The following NLRC5 variants were observed in gnomAD, a reference collection of about 807,000 sequenced individuals.
The protein encoded by NLRC5 is protein NLRC5.
In NLRC5, 114 loss-of-function variants were observed where a neutral mutation model predicts 206.9. That is an observed-to-expected ratio of 0.55 (90% CI 0.47 to 0.64). The LOEUF is 0.64. NLRC5 is among the 30% of genes least tolerant of loss of function. The pLI, the probability that NLRC5 is intolerant of heterozygous loss-of-function variation, is 0.00. For synonymous variants in NLRC5, 952 were observed against 962.8 expected, an observed-to-expected ratio of 0.99 and a Z score of 0.21; for missense variants, 2,008 against 2,305.5, an observed-to-expected ratio of 0.87 and a Z score of 2.64.
intron 24 of NLRC5, 74 bp downstream of exon 24, chr16:57,051,695 A>G (rs1217837333): frequency 8.4e-7 from 1 of 1,191,592 alleles, no homozygotes; most frequent in Non-Finnish European, 1.3e-6. Flanking sequence ...GCAAAGCTGT[A>G]CCTGCCCTCT....
At chr16:57,068,533 C>G (rs1157207428) in intron 36 of NLRC5, among the ~76,000 whole-genome samples, 1 of 151,912 alleles carries the variant, frequency 6.6e-6, no homozygotes, top group African/African-American at 2.4e-5. Context: ...TTCTTTCACT[C>G]TCTCCCTCTC....
At position 57,061,536 on chromosome 16, in the gene NLRC5, G is replaced by A; in HGVS notation, c.4070+5G>A. 1 of 1,609,628 alleles carries A rather than the reference G, an allele frequency of 6.2e-7. No individual in the cohort carries two copies. The highest frequency in any genetic ancestry group is 8.5e-7 in the Non-Finnish European group (1 of 1,179,992). ...CCTGCAGCTGACGGAGCTCACGTGA[G>A]TGACCCACCCAGCCCGTGAGGACAG... is the stretch of plus-strand genomic sequence containing the variant. On this transcript the variant is annotated splice_donor_5th_base_variant and intron_variant, in intron 31 of 48. Transcript: ENST00000688547.
chr16:57,045,872 C>CTTCA (rs1303765390), intron 21 of NLRC5, among the ~76,000 whole-genome samples: 1 of 152,266 alleles, frequency 6.6e-6, no homozygotes, highest in Non-Finnish European at 1.5e-5. Context: ...CTTTCACGCT[C>CTTCA]TGAAGGCAGG....
intron 20 of NLRC5, 198 bp from the exon 21 acceptor site, chr16:57,045,250 T>G (rs2143892462): frequency 1.7e-6 from 1 of 592,136 alleles, no homozygotes; most frequent in Non-Finnish European, 3.0e-6. Flanking sequence ...TTGTTTATTG[T>G]GAGAATCAAA....
In NLRC5 at chr16:57,026,987, C is replaced by T. The variant is rs1266784248; in HGVS notation, c.2044C>T (p.Leu682=). ...CCTGGAGCCCCACTGCCCTGAGGCT[C>T]TGGTAGGCTGTGGGCAGATAGAGAA... ...CPLEPHCPEA[L]VGCGQIENLS... is the part of the protein sequence containing the mutation. Residue 682 remains leucine, a synonymous_variant, in exon 6 of 49, where the codon CTG becomes TTG. Coordinates refer to ENST00000688547, the MANE Select transcript of NLRC5 (RefSeq NM_001384950.1). The T allele has an allele frequency of 6.2e-7, 1 of 1,613,930 alleles. No homozygotes were observed. Among genetic ancestry groups the T allele is most frequent in the African/African-American group, 1.3e-5 (1 of 74,904 alleles).
chr16:57,030,191 A>G, intron 10 of NLRC5, 107 bp downstream of exon 10: 1 of 890,100 alleles, frequency 1.1e-6, no homozygotes, highest in Non-Finnish European at 1.8e-6. Flanking sequence ...AAATCTGTGC[A>G]TACCCTACTG....
Position 57,028,126 on chromosome 16 carries a change from G to C in NLRC5, c.2130G>C (p.Leu710Phe), listed in dbSNP as rs2061437075. Reference protein sequence around the residue: ...DAFAEALSRSLPTMGRLQMLG... With the variant: ...DAFAEALSRSFPTMGRLQMLG... ...TTGCAGAAGCCCTCTCCAGGAGCTT[G>C]CCGACAATGGGGAGGCTGCAGATGC... The change falls in exon 7 of 49, where the codon TTG (leucine) becomes TTC (phenylalanine). Residue 710 changes from leucine to phenylalanine, a missense_variant. Coordinates refer to ENST00000688547, the MANE Select transcript of NLRC5 (RefSeq NM_001384950.1). 6.2e-7 allele frequency: 1 copy of C among 1,613,510 alleles called. No individual in the cohort carries two copies. The highest frequency in any genetic ancestry group is 1.3e-5 in the African/African-American group (1 of 74,920).
intron 39 of NLRC5, 144 bp from the exon 40 acceptor site, chr16:57,076,675 C>A: frequency 1.4e-6 from 1 of 710,496 alleles, no homozygotes; most frequent in Non-Finnish European, 2.5e-6. Context: ...CCACTCCCCA[C>A]CTGCCATGAC....
Position 57,025,511 on chromosome 16 carries a change from A to G in NLRC5, c.568A>G (p.Thr190Ala), listed in dbSNP as rs1443792640. Residue 190 changes from threonine to alanine, a missense_variant, in exon 6 of 49, where the codon ACT becomes GCT. Thr to Ala is a moderately conservative substitution (Grantham distance 58). Transcript: ENST00000688547. ...GCGCCGGGCCACAGCATCCTTAGACACTCCGGAGGGGGCCATTATGGGGGA... is the reference window on the plus strand; with the variant it reads ...GCGCCGGGCCACAGCATCCTTAGACGCTCCGGAGGGGGCCATTATGGGGGA... ...ILRRATASLD[T>A]PEGAIMGDVK... 3 of 1,612,434 alleles carry G rather than the reference A, an allele frequency of 1.9e-6. No individual in the cohort carries two copies. The highest frequency in any genetic ancestry group is 2.2e-5 in the East Asian group (1 of 44,840).
chr16:57,027,138 T>C, intron 6 of NLRC5, 120 bp downstream of exon 6: 2 of 1,178,276 alleles, frequency 1.7e-6, no homozygotes, highest in Non-Finnish European at 2.3e-6. Context: ...CAGAACATAA[T>C]GGCCTGCAAT....
chr16:56,993,013 C>G (rs951482433), intron 1 of NLRC5, among the ~76,000 whole-genome samples: 2 of 148,108 alleles, frequency 1.4e-5, no homozygotes, highest in African/African-American at 2.5e-5. Context: ...CAATTGCCCT[C>G]CCCGAAGACA....
chr16:57,082,306 A>T, intron 48 of NLRC5, 111 bp from the exon 49 acceptor site: 1 of 789,582 alleles, frequency 1.3e-6, no homozygotes, highest in Non-Finnish European at 2.1e-6. Context: ...TGCCTCTGCC[A>T]GGTAACTCTA....
At chr16:57,039,937 C>A in intron 16 of NLRC5, 88 bp downstream of exon 16, 1 of 1,140,788 alleles carries the variant, frequency 8.8e-7, no homozygotes, top group Non-Finnish European at 1.3e-6. Flanking sequence ...AGTCAGTCAA[C>A]TGCCAGGGTG....
chr16:57,081,552 T>C lies in NLRC5; in HGVS notation c.5431T>C (p.Leu1811=). 1 of 1,613,972 alleles carries C rather than the reference T, an allele frequency of 6.2e-7. No homozygotes were observed. Among genetic ancestry groups the C allele is most frequent in the Non-Finnish European group, 8.5e-7 (1 of 1,179,934 alleles). ...CCTGGAGAAGAATCAGATCACAGCT[T>C]TGGGGGCCTGGCTCCTGGCTGAAGG... ...VDLEKNQITA[L]GAWLLAEGLA... is the part of the protein sequence containing the mutation. The change falls in exon 48 of 49, where the codon TTG becomes CTG. Residue 1811 remains leucine, a synonymous_variant. Coordinates refer to ENST00000688547, the MANE Select transcript of NLRC5 (RefSeq NM_001384950.1).
rs1365546915 is a variant in NLRC5, at chr16:57,051,682, A to T, written c.3506+61A>T. On this transcript the variant is annotated intron_variant, in intron 24 of 48. Transcript: ENST00000688547. Reference sequence around the variant, plus strand: ...GTGCTCGTGTTTCTAAGGCTCCTCCATGGCAAAGCTGTACCTGCCCTCTAA... The same window carrying T: ...GTGCTCGTGTTTCTAAGGCTCCTCCTTGGCAAAGCTGTACCTGCCCTCTAA... 15 of 1,373,160 alleles carry T rather than the reference A, an allele frequency of 1.1e-5. No homozygotes were observed. The East Asian group carries it at 3.4e-4, about 31-fold the overall frequency. 85.1% of individuals were successfully genotyped at this position (1,373,160 alleles called of 1,614,324 possible).
intron 12 of NLRC5, 58 bp from the exon 13 acceptor site, chr16:57,034,110 G>C (rs1182936224): frequency 7.0e-7 from 1 of 1,434,010 alleles, no homozygotes; most frequent in Non-Finnish European, 9.8e-7. Flanking sequence ...GAAGCTGGAG[G>C]GGCCATGGAG....
Position 57,059,501 on chromosome 16 carries a change from T to G in NLRC5, c.3955T>G (p.Ser1319Ala), listed in dbSNP as rs1302689191. ...TGAGCAGAGCTTCCGGATTCACTTC[T>G]CCAGAGAGGACCAGGCTGGGAAGAC... is the stretch of plus-strand genomic sequence containing the variant. The part of the protein sequence containing the change: ...GSEQSFRIHF[S>A]REDQAGKTLR... The change falls in exon 30 of 49, where the codon TCC becomes GCC. Residue 1319 changes from serine to alanine, a missense_variant. Coordinates refer to ENST00000688547, the MANE Select transcript of NLRC5 (RefSeq NM_001384950.1). The G allele has an allele frequency of 8.7e-6, 14 of 1,612,068 alleles. No homozygotes were observed. In the Admixed American group the frequency reaches 2.3e-4, roughly 27 times the overall value.
intron 3 of NLRC5, chr16:57,021,245 G>C (rs2060636229): frequency 2.1e-6 from 1 of 474,414 alleles, no homozygotes; most frequent in African/African-American, 1.9e-5. Flanking sequence ...CTGAGTGACT[G>C]CTTCCAGCCA....
chr16:57,013,661 A>C (rs1042010541), intron 1 of NLRC5: 9 of 909,898 alleles, frequency 9.9e-6, no homozygotes, highest in Non-Finnish European at 1.7e-5. Flanking sequence ...AGCCATTTGA[A>C]TCTTGTATGA....
Sources: allele counts gnomAD v4.1 joint callset (sites outside exome capture counted in the v4.1 genomes callset), GRCh38; gene constraint gnomAD v4.1.1; transcripts MANE v1.5; gene names NCBI Gene and HGNC (gene_info 2026-07-23, HGNC 2026-07-21).